The following LRP1B variants were observed in gnomAD, a reference collection of about 807,000 sequenced individuals.
The protein encoded by LRP1B is LDL receptor related protein 1B.
LRP1B carries 217 observed loss-of-function variants against 556.6 expected under a neutral mutation model. The ratio of observed to expected loss-of-function variants is 0.39; its 90% CI spans 0.35 to 0.44. LRP1B has a LOEUF of 0.44. LRP1B is among the 20% of genes least tolerant of loss of function. LRP1B has a pLI of 1.00. For synonymous variants in LRP1B, 2,047 were observed against 1,865.8 expected, an observed-to-expected ratio of 1.10 and a Z score of -2.50; for missense variants, 5,053 against 5,620.8, an observed-to-expected ratio of 0.90 and a Z score of 3.23.
chr2:141,171,656 G>A (rs1249458), intron 7 of LRP1B, among the ~76,000 whole-genome samples: 50,032 of 151,830 alleles, frequency 0.33, 8,638 homozygotes, highest in East Asian at 0.66. Context: ...CCGACTCATC[G>A]TGGCTGTGGT....
chr2:140,444,587 C>T lies in LRP1B; in HGVS notation c.10150G>A (p.Asp3384Asn), dbSNP rs770448999. The T allele has an allele frequency of 6.2e-7, 1 of 1,613,906 alleles. No individual in the cohort carries two copies. The highest frequency in any genetic ancestry group is 2.2e-5 in the East Asian group (1 of 44,840). Residue 3384 changes from aspartate to asparagine, a missense_variant, in exon 64 of 91, where the codon GAC becomes AAC. Asp to Asn is a conservative substitution (Grantham distance 23). This residue lies in a region of LRP1B where 262 missense variants were observed against 395.1 expected (regional missense o/e 0.66). Transcript: ENST00000389484. ...FICDGENDCG[D>N]NSDELNCDTH... ...CCACAGTTGAGTTCATCAGAATTGT[C>T]TCCACAATCATTCTCTCCATCACAG...
At chr2:141,077,296 G>T (rs1473925368) in intron 7 of LRP1B, among the ~76,000 whole-genome samples, 1 of 151,998 alleles carries the variant, frequency 6.6e-6, no homozygotes, top group Non-Finnish European at 1.5e-5. Flanking sequence ...AGTAGGCTAT[G>T]CAATACTGGT....
At chr2:140,411,417 A>G (rs898159485) in intron 66 of LRP1B, among the ~76,000 whole-genome samples, 12 of 152,144 alleles carry the variant, frequency 7.9e-5, no homozygotes, top group Admixed American at 1.3e-4. Flanking sequence ...AAATTTTCAA[A>G]TATATATACT....
chr2:140,551,172 T>C (rs1680534501), intron 43 of LRP1B, among the ~76,000 whole-genome samples: 2 of 152,182 alleles, frequency 1.3e-5, no homozygotes, highest in African/African-American at 2.4e-5. Context: ...TATAGCAGCC[T>C]GAGCTAAAAG....
intron 1 of LRP1B, among the ~76,000 whole-genome samples, chr2:141,944,204 T>G (rs531978995): frequency 5.2e-4 from 79 of 152,222 alleles, no homozygotes; most frequent in Non-Finnish European, 7.5e-4. Flanking sequence ...ATGCTGGCAT[T>G]GTTTAGAATT....
rs1041196174 is a variant in LRP1B at position 140,483,935 on chromosome 2, C to A, written c.9425+1408G>T. Among the ~76,000 whole-genome samples, 6 of 151,956 alleles carry A rather than the reference C, an allele frequency of 3.9e-5. No individual in the cohort carries two copies. The East Asian group carries it at 7.8e-4, about 20-fold the overall frequency. On this transcript the variant is annotated intron_variant, in intron 59 of 90. Transcript: ENST00000389484. The stretch of plus-strand genomic sequence containing the variant: ...AATTAGAAGCGTGAGCCACCACACC[C>A]AGCTATCAAAAATCAAAAATAAACT...
intron 2 of LRP1B, among the ~76,000 whole-genome samples, chr2:141,727,375 T>G (rs1693078757): frequency 6.6e-6 from 1 of 152,136 alleles, no homozygotes; most frequent in African/African-American, 2.4e-5. Context: ...AATGCTTTCC[T>G]TACATCAGAT....
intron 41 of LRP1B, among the ~76,000 whole-genome samples, chr2:140,615,850 G>A (rs1408684866): frequency 6.6e-6 from 1 of 151,872 alleles, no homozygotes; most frequent in East Asian, 1.9e-4. Flanking sequence ...CCAACTATCT[G>A]TAAATTCCTT....
At chr2:142,122,135 G>A (rs986583149) in intron 1 of LRP1B, among the ~76,000 whole-genome samples, 1 of 151,956 alleles carries the variant, frequency 6.6e-6, no homozygotes, top group East Asian at 1.9e-4. Flanking sequence ...GTAAAACTCT[G>A]GTGGTGTTTT....
intron 1 of LRP1B, among the ~76,000 whole-genome samples, chr2:142,056,557 T>A (rs2104882970): frequency 6.6e-6 from 1 of 152,150 alleles, no homozygotes; most frequent in Admixed American, 6.6e-5. Flanking sequence ...ACATATAAGC[T>A]TTATTCTGGA....
intron 3 of LRP1B, among the ~76,000 whole-genome samples, chr2:141,351,076 G>C (rs188177612): frequency 1.1e-4 from 17 of 151,844 alleles, no homozygotes; most frequent in Non-Finnish European, 2.9e-5. Context: ...CATTTTTATG[G>C]CTACTTTCAG....
chr2:140,725,749 C>T (rs1038439165), intron 35 of LRP1B, among the ~76,000 whole-genome samples: 3 of 151,938 alleles, frequency 2.0e-5, no homozygotes, highest in Admixed American at 1.3e-4. Flanking sequence ...ATCACACCTG[C>T]CACTGGGGTT....
intron 14 of LRP1B, among the ~76,000 whole-genome samples, chr2:141,009,120 G>T (rs144286051): frequency 1.3e-5 from 2 of 151,544 alleles, no homozygotes; most frequent in Non-Finnish European, 2.9e-5. Flanking sequence ...TGACTTCTCA[G>T]TGTCTTATCA....
chr2:140,723,001 C>T (rs1032160812), intron 35 of LRP1B, among the ~76,000 whole-genome samples: 13 of 152,080 alleles, frequency 8.5e-5, no homozygotes, highest in African/African-American at 2.9e-4. Context: ...CGAGATCGCG[C>T]CACTGCACTC....
chr2:140,972,691 G>A (rs10204316), intron 18 of LRP1B, among the ~76,000 whole-genome samples: 106,479 of 151,268 alleles, frequency 0.7, 38,514 homozygotes, highest in Non-Finnish European at 0.78. Flanking sequence ...GTAAGTTTCT[G>A]ACAATTTTAA....
intron 2 of LRP1B, among the ~76,000 whole-genome samples, chr2:141,573,061 T>C (rs1385919120): frequency 1.3e-5 from 2 of 152,160 alleles, no homozygotes; most frequent in Non-Finnish European, 2.9e-5. Context: ...TTAACAAGGA[T>C]ATTCAAGACT....
intron 84 of LRP1B, among the ~76,000 whole-genome samples, chr2:140,284,730 T>A (rs956732072): frequency 1.2e-4 from 18 of 151,566 alleles, no homozygotes; most frequent in African/African-American, 4.3e-4. Context: ...CTTCTAGTTT[T>A]TTTTTTCAAT....
In LRP1B at chr2:140,867,811, A is replaced by T. The variant is rs1692997431; in HGVS notation, c.4358T>A (p.Leu1453His). 1 of 1,571,600 alleles carries T rather than the reference A, an allele frequency of 6.4e-7. No individual in the cohort carries two copies. Among genetic ancestry groups the T allele is most frequent in the African/African-American group, 1.4e-5 (1 of 73,444 alleles). ...DARSDAIYSA[L>H]YDGTNMIEII... ...TTCTATCATGTTTGTTCCATCATAG[A>T]GGGCTGAATAAATAGCATCTGACCT... is the stretch of plus-strand genomic sequence containing the variant. The change falls in exon 27 of 91, where the codon CTC becomes CAC. Residue 1453 changes from leucine to histidine, a missense_variant. By Grantham distance (99) the Leu-to-His change is moderately conservative. Transcript: ENST00000389484.
chr2:141,755,263 AAAAG>A (rs1694274381), intron 2 of LRP1B, among the ~76,000 whole-genome samples: 4 of 152,108 alleles, frequency 2.6e-5, no homozygotes, highest in Admixed American at 2.0e-4. Flanking sequence ...GAGACTGTCT[AAAAG>A]ATATGGAAGT....
Sources: allele counts gnomAD v4.1 joint callset (sites outside exome capture counted in the v4.1 genomes callset), GRCh38; gene constraint gnomAD v4.1.1; regional missense constraint gnomAD v4.1.1; transcripts MANE v1.5; gene names NCBI Gene and HGNC (gene_info 2026-07-23, HGNC 2026-07-21).